Variants in DNAH6 observed in about 807,000 individuals in gnomAD.
DNAH6 encodes the protein axonemal beta dynein heavy chain 6.
DNAH6 carries 340 observed loss-of-function variants against 491.4 expected under a neutral mutation model. The ratio of observed to expected loss-of-function variants is 0.69; its 90% CI spans 0.63 to 0.76. The LOEUF is 0.76. Among genes scored for constraint, DNAH6 ranks in the 30% least tolerant of loss-of-function variants. The pLI, the probability that DNAH6 is intolerant of heterozygous loss-of-function variation, is 0.00. For synonymous variants in DNAH6, 1,603 were observed against 1,686.1 expected, an observed-to-expected ratio of 0.95 and a Z score of 1.21; for missense variants, 4,443 against 4,972.2, an observed-to-expected ratio of 0.89 and a Z score of 3.20.
At chr2:84,812,214 T>G (rs1422103153) in intron 72 of DNAH6, 127 bp from the exon 73 acceptor site, 1 of 737,544 alleles carries the variant, frequency 1.4e-6, no homozygotes. Context: ...GCAGACAGTG[T>G]GCAAAGAGGA....
intron 68 of DNAH6, among the ~76,000 whole-genome samples, chr2:84,792,271 T>C (rs1327276328): frequency 6.6e-6 from 1 of 152,210 alleles, no homozygotes; most frequent in Non-Finnish European, 1.5e-5. Flanking sequence ...GTTATAGTTA[T>C]ACAAGATGAG....
chr2:84,615,961 A>T (rs1233843833), intron 22 of DNAH6, among the ~76,000 whole-genome samples: 1 of 151,896 alleles, frequency 6.6e-6, no homozygotes, highest in African/African-American at 2.4e-5. Context: ...ATAAGTCTTT[A>T]GGGTTATTTA....
At chr2:84,708,660 A>C (rs1406922803) in intron 54 of DNAH6, among the ~76,000 whole-genome samples, 1 of 152,050 alleles carries the variant, frequency 6.6e-6, no homozygotes, top group Non-Finnish European at 1.5e-5. Flanking sequence ...GAAAGAAAGA[A>C]AGAGCCTTTC....
intron 64 of DNAH6, among the ~76,000 whole-genome samples, chr2:84,768,274 TAGAC>T (rs1250402181): frequency 6.6e-6 from 1 of 151,872 alleles, no homozygotes; most frequent in African/African-American, 2.4e-5. Context: ...AAACACACAA[TAGAC>T]AGGATCCAAA....
At chr2:84,728,959 CA>C (rs1398841230) in intron 61 of DNAH6, among the ~76,000 whole-genome samples, 1 of 152,134 alleles carries the variant, frequency 6.6e-6, no homozygotes, top group Non-Finnish European at 1.5e-5. Context: ...GTGACATCTG[CA>C]CCTGTTTGCC....
At chr2:84,738,339 T>C (rs1329000364) in intron 62 of DNAH6, among the ~76,000 whole-genome samples, 2 of 152,042 alleles carry the variant, frequency 1.3e-5, no homozygotes, top group Non-Finnish European at 2.9e-5. Flanking sequence ...TTAGGGAGAG[T>C]ATTCTGTAGA....
chr2:84,506,448 A>G, the DNAH6 span, among the ~76,000 whole-genome samples: 1 of 151,956 alleles, frequency 6.6e-6, no homozygotes, highest in South Asian at 2.1e-4. Flanking sequence ...GTTTGAGTTC[A>G]TTGTAGATTC....
intron 11 of DNAH6, among the ~76,000 whole-genome samples, chr2:84,568,609 G>A (rs1377995791): frequency 6.6e-6 from 1 of 152,062 alleles, no homozygotes; most frequent in African/African-American, 2.4e-5. Context: ...AAATACATGT[G>A]GGGCTTAATA....
chr2:84,702,010 T>A (rs951416551), intron 49 of DNAH6, among the ~76,000 whole-genome samples: 2 of 152,198 alleles, frequency 1.3e-5, no homozygotes, highest in African/African-American at 4.8e-5. Context: ...TAGAATGATA[T>A]GGGCATCACA....
At chr2:84,668,215 T>A (rs551157108) in intron 37 of DNAH6, among the ~76,000 whole-genome samples, 1 of 152,342 alleles carries the variant, frequency 6.6e-6, no homozygotes, top group Non-Finnish European at 1.5e-5. Context: ...GTTGTGCACA[T>A]GTACCCTAGA....
intron 33 of DNAH6, among the ~76,000 whole-genome samples, chr2:84,648,935 G>A (rs145444206): frequency 2.0e-5 from 3 of 152,124 alleles, no homozygotes; most frequent in Non-Finnish European, 2.9e-5. Flanking sequence ...CAAAAGAGTC[G>A]ATGAACGTGG....
intron 14 of DNAH6, among the ~76,000 whole-genome samples, chr2:84,582,974 G>C (rs1683179072): frequency 6.6e-6 from 1 of 152,214 alleles, no homozygotes; most frequent in African/African-American, 2.4e-5. Context: ...CCTTGGTTCA[G>C]CCTGTGGCCA....
chr2:84,573,649 TA>T, intron 12 of DNAH6, 62 bp downstream of exon 12: 1 of 1,427,838 alleles, frequency 7.0e-7, no homozygotes, highest in African/African-American at 1.5e-5. Context: ...TGTTGTTTTT[TA>T]GGATTCTGTT....
chr2:84,628,289 G>A (rs1573281205), intron 29 of DNAH6, among the ~76,000 whole-genome samples: 1 of 152,148 alleles, frequency 6.6e-6, no homozygotes, highest in Non-Finnish European at 1.5e-5. Context: ...TTGTCTCCAA[G>A]GGCTGTTATT....
chr2:84,811,332 G>C (rs1268674018), intron 72 of DNAH6, among the ~76,000 whole-genome samples: 1 of 152,188 alleles, frequency 6.6e-6, no homozygotes, highest in Non-Finnish European at 1.5e-5. Flanking sequence ...ATATATGGCA[G>C]TTTTCACAAC....
chr2:84,799,225 C>T (rs1429953127), intron 70 of DNAH6, among the ~76,000 whole-genome samples: 6 of 152,206 alleles, frequency 3.9e-5, no homozygotes, highest in African/African-American at 1.4e-4. Context: ...TGACCTCAGG[C>T]GATCCACCTG....
intron 21 of DNAH6, among the ~76,000 whole-genome samples, chr2:84,609,942 A>G (rs1686166719): frequency 6.6e-6 from 1 of 152,108 alleles, no homozygotes; most frequent in Non-Finnish European, 1.5e-5. Flanking sequence ...ACAAACTTAA[A>G]CAATATACCT....
chr2:84,547,308 A>G lies in DNAH6; in HGVS notation c.971A>G (p.Tyr324Cys). The stretch of plus-strand genomic sequence containing the variant: ...CTTCTTAAAATAAATGAATTGTGTT[A>G]TCATTTGAGTTTTATGGGACTTTGT... ...PALLKINELC[Y>C]HLSFMGLCYI... Residue 324 changes from tyrosine to cysteine, a missense_variant, in exon 6 of 77, where the codon TAT becomes TGT. Coordinates refer to ENST00000389394, the MANE Select transcript of DNAH6 (RefSeq NM_001370.2). 6.5e-7 allele frequency: 1 copy of G among 1,549,528 alleles called. No individual in the cohort carries two copies.
At chr2:84,656,679 G>C (rs1691001450) in intron 35 of DNAH6, among the ~76,000 whole-genome samples, 1 of 151,912 alleles carries the variant, frequency 6.6e-6, no homozygotes, top group South Asian at 2.1e-4. Flanking sequence ...TATATATTTT[G>C]AATTCAATTC....
Sources: gnomAD v4.1 joint callset for allele counts (sites outside exome capture counted in the v4.1 genomes callset) on GRCh38, gnomAD v4.1.1 for gene constraint, MANE v1.5 for transcripts, NCBI Gene and HGNC (gene_info 2026-07-23, HGNC 2026-07-21) for gene names.